Variants in CDH12 observed in about 807,000 individuals in gnomAD.
CDH12 encodes the protein cadherin 12, also known as cadherin-12.
Under a neutral mutation model 74.1 loss-of-function variants are expected in CDH12, and 41 were observed. The ratio of observed to expected loss-of-function variants is 0.55; its 90% confidence interval spans 0.43 to 0.72. CDH12 has a LOEUF of 0.72. Ranked by LOEUF, CDH12 falls within the 30% of genes least tolerant of loss-of-function variation. CDH12 has a pLI of 0.00. For synonymous variants in CDH12, 399 were observed against 355.0 expected, an observed-to-expected ratio of 1.12 and a Z score of -1.39; for missense variants, 945 against 977.2, an observed-to-expected ratio of 0.97 and a Z score of 0.44.
At chr5:22,647,966 G>A (rs533653275) in intron 1 of CDH12, among the ~76,000 whole-genome samples, 1 of 151,830 alleles carries the variant, frequency 6.6e-6, no homozygotes, top group South Asian at 2.1e-4. Flanking sequence ...TATACTTTAA[G>A]TACATTGCAA....
chr5:21,995,988 T>C (rs1239709786), intron 5 of CDH12, among the ~76,000 whole-genome samples: 2 of 152,064 alleles, frequency 1.3e-5, no homozygotes, highest in African/African-American at 4.8e-5. Flanking sequence ...ATAACATTTG[T>C]TGGTTCTGAG....
chr5:22,802,738 G>A (rs1309647323), intron 1 of CDH12, among the ~76,000 whole-genome samples: 1 of 152,128 alleles, frequency 6.6e-6, no homozygotes, highest in African/African-American at 2.4e-5. Flanking sequence ...GACCAGGTAA[G>A]TAGTGTAAAT....
At chr5:22,251,836 A>G (rs1753146486) in intron 3 of CDH12, among the ~76,000 whole-genome samples, 1 of 152,168 alleles carries the variant, frequency 6.6e-6, no homozygotes, top group African/African-American at 2.4e-5. Flanking sequence ...TTTGTAAAGA[A>G]GCTGAACATT....
chr5:22,015,880 T>C (rs562386962), intron 5 of CDH12, among the ~76,000 whole-genome samples: 28 of 152,320 alleles, frequency 1.8e-4, no homozygotes, highest in African/African-American at 6.5e-4. Flanking sequence ...GGACACTTTA[T>C]TTCCTATCAT....
chr5:22,206,524 C>T (rs1751227156), intron 4 of CDH12, among the ~76,000 whole-genome samples: 1 of 151,702 alleles, frequency 6.6e-6, no homozygotes, highest in Admixed American at 6.6e-5. Context: ...AAAGTTTTGA[C>T]CTACTAAACC....
chr5:22,362,691 T>C (rs867302730), intron 3 of CDH12, among the ~76,000 whole-genome samples: 1 of 151,804 alleles, frequency 6.6e-6, no homozygotes, highest in African/African-American at 2.4e-5. Flanking sequence ...CAAATGTCCA[T>C]CAATGATAGA....
intron 3 of CDH12, among the ~76,000 whole-genome samples, chr5:22,374,969 A>G (rs918986171): frequency 1.3e-5 from 2 of 152,124 alleles, no homozygotes; most frequent in African/African-American, 4.8e-5. Flanking sequence ...AAATTTGTAT[A>G]AAACTACAAA....
chr5:21,909,548 C>T (rs529593399), intron 6 of CDH12, among the ~76,000 whole-genome samples: 4 of 152,248 alleles, frequency 2.6e-5, no homozygotes, highest in South Asian at 2.1e-4. Context: ...TACTGGTTCT[C>T]ACAACTCCGA....
intron 1 of CDH12, among the ~76,000 whole-genome samples, chr5:22,666,939 A>T (rs1740654034): frequency 6.6e-6 from 1 of 152,200 alleles, no homozygotes; most frequent in African/African-American, 2.4e-5. Context: ...TTGTTCTTAT[A>T]TCTGACTCTA....
chr5:22,291,068 A>G (rs371595322), intron 3 of CDH12, among the ~76,000 whole-genome samples: 155 of 152,310 alleles, frequency 1.0e-3, no homozygotes, highest in African/African-American at 3.6e-3. Context: ...TTCGGCATAC[A>G]TAAATCAATA....
intron 1 of CDH12, among the ~76,000 whole-genome samples, chr5:22,733,813 A>G (rs1744554250): frequency 6.6e-6 from 1 of 151,930 alleles, no homozygotes; most frequent in Non-Finnish European, 1.5e-5. Flanking sequence ...ACTGAGGCAT[A>G]CTTATTTTAG....
intron 1 of CDH12, among the ~76,000 whole-genome samples, chr5:22,707,332 A>C (rs1360866714): frequency 6.6e-6 from 1 of 152,192 alleles, no homozygotes; most frequent in Non-Finnish European, 1.5e-5. Flanking sequence ...CTGTGTGATA[A>C]CTAATAGGAA....
At chr5:22,615,057 A>G (rs1296128330) in intron 1 of CDH12, among the ~76,000 whole-genome samples, 1 of 152,076 alleles carries the variant, frequency 6.6e-6, no homozygotes, top group Non-Finnish European at 1.5e-5. Context: ...TTACTCTGGA[A>G]TTTTCCATTT....
intron 3 of CDH12, among the ~76,000 whole-genome samples, chr5:22,227,397 A>T (rs931560241): frequency 2.0e-5 from 3 of 152,190 alleles, no homozygotes; most frequent in African/African-American, 7.2e-5. Context: ...CTTTTAAGAT[A>T]GAAACATGTC....
chr5:22,587,584 A>C (rs1740466610), intron 1 of CDH12, among the ~76,000 whole-genome samples: 1 of 152,182 alleles, frequency 6.6e-6, no homozygotes, highest in African/African-American at 2.4e-5. Flanking sequence ...TTGCCTCATT[A>C]GACCAAGTGG....
At chr5:21,971,443 T>G (rs1418607836) in intron 6 of CDH12, among the ~76,000 whole-genome samples, 1 of 152,148 alleles carries the variant, frequency 6.6e-6, no homozygotes, top group Non-Finnish European at 1.5e-5. Flanking sequence ...ACATGGCACC[T>G]GACTACTGCT....
At chr5:22,129,932 G>C (rs1746091195) in intron 4 of CDH12, among the ~76,000 whole-genome samples, 1 of 152,092 alleles carries the variant, frequency 6.6e-6, no homozygotes, top group Admixed American at 6.6e-5. Flanking sequence ...AAAATCCTAA[G>C]ATTTTGCCAA....
intron 4 of CDH12, among the ~76,000 whole-genome samples, chr5:22,141,926 G>A (rs1371851159): frequency 6.6e-6 from 1 of 152,138 alleles, no homozygotes; most frequent in African/African-American, 2.4e-5. Context: ...TCATTGATGA[G>A]GAAAGTAAAT....
At chr5:22,233,503 C>A (rs1486587873) in intron 3 of CDH12, among the ~76,000 whole-genome samples, 2 of 152,192 alleles carry the variant, frequency 1.3e-5, no homozygotes, top group East Asian at 3.9e-4. Flanking sequence ...TCATCTCAAG[C>A]TCACAGTTTA....
Sources: gnomAD v4.1 joint callset for allele counts (sites outside exome capture counted in the v4.1 genomes callset) on GRCh38, gnomAD v4.1.1 for gene constraint, MANE v1.5 for transcripts, NCBI Gene and HGNC (gene_info 2026-07-23, HGNC 2026-07-21) for gene names.